RIMOC1: variants seen among roughly 807,000 people sequenced by gnomAD.
RIMOC1 encodes RAB7A interacting MON1-CCZ1 complex subunit 1, also known as RAB7A-interacting MON1-CCZ1 complex subunit 1.
the RIMOC1 span, among the ~76,000 whole-genome samples, chr5:41,912,860 G>A: frequency 6.6e-6 from 1 of 152,158 alleles, no homozygotes; most frequent in Admixed American, 6.5e-5. Flanking sequence ...ACTTGTAACC[G>A]AATGGAAGTA....
the RIMOC1 span, among the ~76,000 whole-genome samples, chr5:41,910,122 A>C: frequency 6.6e-6 from 1 of 152,052 alleles, no homozygotes. Context: ...AGCTGTGCCT[A>C]ATCATTTTTT....
At chr5:41,907,865 T>G in the RIMOC1 span, 2 of 1,441,658 alleles carry the variant, frequency 1.4e-6, no homozygotes, top group Admixed American at 3.7e-5. Context: ...TGGTGGACTC[T>G]GGCATTTTAT....
the RIMOC1 span, chr5:41,912,158 A>T: frequency 6.2e-7 from 1 of 1,605,056 alleles, no homozygotes; most frequent in Non-Finnish European, 8.5e-7. Context: ...TCCAAGATCT[A>T]GACACAGCTA....
chr5:41,909,706 T>A, the RIMOC1 span: 3 of 1,421,110 alleles, frequency 2.1e-6, no homozygotes, highest in African/African-American at 4.5e-5. Context: ...TTTTCAATTT[T>A]AAGTCATTGA....
chr5:41,918,036 A>G, the RIMOC1 span: 2 of 985,530 alleles, frequency 2.0e-6, no homozygotes, highest in South Asian at 4.7e-5. Flanking sequence ...TTTTCATAAC[A>G]TACTGAAATT....
At chr5:41,909,732 T>C in the RIMOC1 span, 9 of 1,506,456 alleles carry the variant, frequency 6.0e-6, no homozygotes, top group South Asian at 7.9e-5. Flanking sequence ...ATCTTTCTTT[T>C]TTTTTTTTTT....
chr5:41,914,092 GT>G, the RIMOC1 span, among the ~76,000 whole-genome samples: 1 of 152,134 alleles, frequency 6.6e-6, no homozygotes, highest in Admixed American at 6.5e-5. Context: ...CAAATCACCT[GT>G]TTTCCTAATT....
At chr5:41,910,392 T>C in the RIMOC1 span, among the ~76,000 whole-genome samples, 2 of 151,918 alleles carry the variant, frequency 1.3e-5, no homozygotes, top group East Asian at 3.9e-4. Flanking sequence ...CAGGGATGTC[T>C]CTTTCATCAC....
the RIMOC1 span, chr5:41,916,900 A>G: frequency 1.0e-4 from 92 of 884,088 alleles, 1 homozygote; most frequent in South Asian, 2.6e-4. Context: ...GTTACTGTTA[A>G]AGTGAGAATA....
chr5:41,921,393 T>C, the RIMOC1 span: 1 of 152,074 alleles, frequency 6.6e-6, no homozygotes, highest in South Asian at 2.1e-4. Context: ...TGCCACAGAA[T>C]CCAGGATTCT....
At chr5:41,918,794 T>C in the RIMOC1 span, 1 of 976,166 alleles carries the variant, frequency 1.0e-6, no homozygotes, top group Non-Finnish European at 1.2e-6. Context: ...GAACAGAAAA[T>C]TGAGACTATG....
the RIMOC1 span, chr5:41,916,930 A>G: frequency 8.2e-7 from 1 of 1,226,760 alleles, no homozygotes; most frequent in Non-Finnish European, 1.1e-6. Flanking sequence ...TAATGACAAA[A>G]GGAACTTTAA....
chr5:41,912,233 A>T, the RIMOC1 span: 1 of 1,125,836 alleles, frequency 8.9e-7, no homozygotes, highest in Non-Finnish European at 1.3e-6. Flanking sequence ...GCTTCTTAAG[A>T]TTTTAGGAAG....
the RIMOC1 span, chr5:41,911,003 C>T: frequency 1.9e-6 from 3 of 1,586,014 alleles, no homozygotes; most frequent in Admixed American, 3.7e-5. Flanking sequence ...CTTTTATAGA[C>T]ATCCAGTTTC....
the RIMOC1 span, among the ~76,000 whole-genome samples, chr5:41,906,202 G>T: frequency 6.6e-6 from 1 of 152,066 alleles, no homozygotes; most frequent in Non-Finnish European, 1.5e-5. Flanking sequence ...GCCAATTTTT[G>T]TTAATTTATT....
the RIMOC1 span, among the ~76,000 whole-genome samples, chr5:41,915,609 AC>A: frequency 6.6e-6 from 1 of 152,322 alleles, no homozygotes; most frequent in Non-Finnish European, 1.5e-5. Flanking sequence ...GGCACTTCTT[AC>A]ATGGCGGTGG....
the RIMOC1 span, chr5:41,909,972 C>A: frequency 8.7e-7 from 1 of 1,152,952 alleles, no homozygotes; most frequent in South Asian, 1.6e-5. Flanking sequence ...ATATTTTTTT[C>A]TTCTTGATTG....
At chr5:41,909,682 G>T in the RIMOC1 span, 1 of 1,225,408 alleles carries the variant, frequency 8.2e-7, no homozygotes, top group Non-Finnish European at 1.1e-6. Flanking sequence ...AGGTTAGACT[G>T]TAAGAATTGT....
chr5:41,918,518 G>T, the RIMOC1 span: 1 of 985,212 alleles, frequency 1.0e-6, no homozygotes, highest in Non-Finnish European at 1.2e-6. Context: ...TGGTCTTTTA[G>T]TCTAGTCCTT....
Sources: allele counts gnomAD v4.1 joint callset (sites outside exome capture counted in the v4.1 genomes callset), GRCh38; gene constraint gnomAD v4.1.1; transcripts MANE v1.5; gene names NCBI Gene and HGNC (gene_info 2026-07-23, HGNC 2026-07-21).